The following SPARCL1 variants were observed in gnomAD, a reference collection of about 807,000 sequenced individuals.
SPARCL1 encodes SPARC-like protein 1.
SPARCL1 carries 52 observed loss-of-function variants against 67.1 expected under a neutral mutation model. The observed-to-expected ratio is 0.78, with a 90% confidence interval of 0.62 to 0.98. The LOEUF is 0.98. Ranked by LOEUF, SPARCL1 falls within the 50% of genes least tolerant of loss-of-function variation. SPARCL1 has a pLI of 0.00. For synonymous variants in SPARCL1, 226 were observed against 267.8 expected (o/e 0.84, Z 1.52); for missense variants, 717 against 782.4 (o/e 0.92, Z 1.00).
chr4:87,528,517 CA>C (rs1726146265), intron 1 of SPARCL1: 1 of 152,014 alleles, frequency 6.6e-6, no homozygotes, highest in Non-Finnish European at 1.5e-5. Flanking sequence ...TAAAAATAAT[CA>C]AACAAGAATA....
chr4:87,478,381 G>A (rs1293911874), intron 10 of SPARCL1, among the ~76,000 whole-genome samples: 1 of 151,694 alleles, frequency 6.6e-6, no homozygotes, highest in Non-Finnish European at 1.5e-5. Flanking sequence ...ATTTTTGTGT[G>A]TGTGTGTGTG....
intron 1 of SPARCL1, among the ~76,000 whole-genome samples, chr4:87,516,756 C>T (rs1725599134): frequency 6.6e-6 from 1 of 152,166 alleles, no homozygotes; most frequent in Admixed American, 6.6e-5. Flanking sequence ...CTAGTCCATT[C>T]CTCCTTTTCT....
At chr4:87,520,109 A>G (rs62315963) in intron 1 of SPARCL1, among the ~76,000 whole-genome samples, 35,862 of 151,726 alleles carry the variant, frequency 0.24, 4,426 homozygotes, top group South Asian at 0.37. Context: ...GCGTGGTGAC[A>G]GGTGCCTGTA....
chr4:87,488,266 T>C (rs1724155416), intron 7 of SPARCL1, among the ~76,000 whole-genome samples: 1 of 152,208 alleles, frequency 6.6e-6, no homozygotes, highest in African/African-American at 2.4e-5. Flanking sequence ...TAGTGGCCTT[T>C]GGATGGGGTT....
At chr4:87,490,970 AG>A (rs1170142735) in intron 5 of SPARCL1, 92 bp from the exon 6 acceptor site, 1 of 805,234 alleles carries the variant, frequency 1.2e-6, no homozygotes, top group Non-Finnish European at 1.9e-6. Flanking sequence ...TCACTAATGA[AG>A]GGGAAATTTT....
At position 87,500,958 on chromosome 4, in the gene SPARCL1, T is replaced by C. The variant is rs185227739; in HGVS notation, c.-11-1373A>G. ...TGTGTTGAACCACACTGACATTTATTTTCTTGAACGATATTTTGCTTTGGT... is the reference window on the plus strand; with the variant it reads ...TGTGTTGAACCACACTGACATTTATCTTCTTGAACGATATTTTGCTTTGGT... On this transcript the variant is annotated intron_variant, in intron 1 of 10. Coordinates refer to ENST00000282470, the MANE Select transcript of SPARCL1 (RefSeq NM_004684.6). 2.6e-5 allele frequency among the ~76,000 whole-genome samples: 4 copies of C among 152,358 alleles called. No homozygotes were observed. The East Asian group carries it at 7.7e-4, about 29-fold the overall frequency.
intron 1 of SPARCL1, among the ~76,000 whole-genome samples, chr4:87,509,293 G>A (rs1385233610): frequency 6.6e-6 from 1 of 152,062 alleles, no homozygotes; most frequent in African/African-American, 2.4e-5. Context: ...TATCAGGTAA[G>A]CACATTATTG....
rs372436047 is a variant in SPARCL1, at chr4:87,519,117, G to A, written c.-12+9928C>T. Reference sequence around the variant, plus strand: ...GATGGAGTCTTGCTCTGTTGCCCAGGCTGGAGTACAGTGGCTGATCTCTAC... The same window carrying A: ...GATGGAGTCTTGCTCTGTTGCCCAGACTGGAGTACAGTGGCTGATCTCTAC... On this transcript the variant is annotated intron_variant, in intron 1 of 10. Transcript: ENST00000282470. Among the ~76,000 whole-genome samples the A allele has an allele frequency of 7.3e-5, 11 of 151,434 alleles. No homozygotes were observed. The East Asian group carries it at 1.9e-3, about 27-fold the overall frequency.
intron 7 of SPARCL1, among the ~76,000 whole-genome samples, chr4:87,483,558 C>T (rs754003490): frequency 2.0e-5 from 3 of 152,106 alleles, no homozygotes; most frequent in Non-Finnish European, 4.4e-5. Context: ...TGTGTGAATG[C>T]ATCTTTATAG....
chr4:87,480,363 A>G lies in SPARCL1; in HGVS notation c.1817+9T>C, dbSNP rs752793690. The G allele has an allele frequency of 6.4e-7, 1 of 1,556,620 alleles. No individual in the cohort carries two copies. The highest frequency in any genetic ancestry group is 1.3e-5 in the South Asian group (1 of 78,014). ...TAAATCTAGAAATGGAAAGGTAAAG[A>G]GTTCTTACCTATCCATAGGGTGTTG... On this transcript the variant is annotated intron_variant, in intron 9 of 10. Coordinates refer to ENST00000282470, the MANE Select transcript of SPARCL1 (RefSeq NM_004684.6).
chr4:87,521,552 C>T (rs2110265753), intron 1 of SPARCL1, among the ~76,000 whole-genome samples: 1 of 152,322 alleles, frequency 6.6e-6, no homozygotes, highest in East Asian at 1.9e-4. Context: ...TCTGAACCCT[C>T]CAGTGGTTAG....
In SPARCL1 at chr4:87,479,677, G is replaced by C. The variant is rs557617573; in HGVS notation, c.1818-99C>G. The C allele has an allele frequency of 3.6e-6, 4 of 1,119,978 alleles. No homozygotes were observed. The South Asian group carries it at 6.0e-5, about 17-fold the overall frequency. 69.4% of individuals were successfully genotyped at this position (1,119,978 alleles called of 1,614,324 possible). A position where few individuals can be genotyped will look rare whatever the true frequency, so the allele number is the denominator to read the frequency against. ...GACATTTTTCTCCCATAAGGTTGCT[G>C]TATATGTGATATAAATAGAATACAG... On this transcript the variant is annotated intron_variant, in intron 9 of 10. Coordinates refer to ENST00000282470, the MANE Select transcript of SPARCL1 (RefSeq NM_004684.6).
intron 7 of SPARCL1, among the ~76,000 whole-genome samples, chr4:87,486,879 C>T (rs1443528398): frequency 2.0e-5 from 1 of 50,986 alleles, no homozygotes; most frequent in African/African-American, 7.0e-5. Context: ...GCTAGTATTG[C>T]AATTCCTGCT....
intron 10 of SPARCL1, among the ~76,000 whole-genome samples, chr4:87,475,756 G>A (rs1174967829): frequency 6.6e-6 from 1 of 152,138 alleles, no homozygotes; most frequent in Admixed American, 6.5e-5. Flanking sequence ...TGGTGAAGCT[G>A]CAGAGAAAAA....
intron 1 of SPARCL1, among the ~76,000 whole-genome samples, chr4:87,514,978 T>C (rs1438111219): frequency 6.6e-6 from 1 of 152,170 alleles, no homozygotes; most frequent in Non-Finnish European, 1.5e-5. Context: ...ACATTCGAGT[T>C]TGGTGTGCAC....
At chr4:87,504,726 A>C (rs1578108475) in intron 1 of SPARCL1, 1 of 152,164 alleles carries the variant, frequency 6.6e-6, no homozygotes, top group East Asian at 1.9e-4. Context: ...CAAAACAAAC[A>C]AAAAAACCAC....
intron 1 of SPARCL1, among the ~76,000 whole-genome samples, chr4:87,503,683 C>CTTTTTTTTTTTTTTTTTTTTTTTTTTT (rs60057481): frequency 7.2e-6 from 1 of 138,056 alleles, no homozygotes; most frequent in Non-Finnish European, 1.5e-5. Context: ...TTTTTTTTTC[C>CTTTTTTTTTTTTTTTTTTTTTTTTTTT]TTTTTTTTTT....
At chr4:87,508,092 T>C (rs982500177) in intron 1 of SPARCL1, among the ~76,000 whole-genome samples, 21 of 152,192 alleles carry the variant, frequency 1.4e-4, no homozygotes, top group African/African-American at 5.1e-4. Context: ...GGAGACTTCA[T>C]GAAAGGATAG....
At chr4:87,495,686 T>A (rs1465426112) in intron 2 of SPARCL1, among the ~76,000 whole-genome samples, 1 of 152,160 alleles carries the variant, frequency 6.6e-6, no homozygotes, top group African/African-American at 2.4e-5. Flanking sequence ...GTCTTTGGGA[T>A]GCCGAGGTGG....
Sources: allele counts gnomAD v4.1 joint callset (sites outside exome capture counted in the v4.1 genomes callset), GRCh38; gene constraint gnomAD v4.1.1; transcripts MANE v1.5; gene names NCBI Gene and HGNC (gene_info 2026-07-23, HGNC 2026-07-21).